Variants in FANCL observed in about 807,000 individuals in gnomAD.
FANCL encodes E3 ubiquitin-protein ligase FANCL.
FANCL carries 69 observed loss-of-function variants against 59.4 expected under a neutral mutation model. The ratio of observed to expected loss-of-function variants is 1.16; its 90% CI spans 0.96 to 1.42. The LOEUF (loss-of-function observed/expected upper bound fraction) is 1.42. FANCL is among the 40% of genes most tolerant of loss of function. FANCL has a pLI of 0.00. For missense variants in FANCL, 519 were observed against 447.2 expected, an observed-to-expected ratio of 1.16 and a Z score of -1.45; for synonymous variants, 180 against 147.1, an observed-to-expected ratio of 1.22 and a Z score of -1.62.
chr2:58,180,902 G>C (rs1049012512), intron 7 of FANCL, among the ~76,000 whole-genome samples: 1 of 150,086 alleles, frequency 6.7e-6, no homozygotes, highest in African/African-American at 2.5e-5. Context: ...ATATTAATGA[G>C]ATAACATTAA....
chr2:58,213,122 TTA>T (rs1188985597), intron 5 of FANCL, among the ~76,000 whole-genome samples: 1 of 152,198 alleles, frequency 6.6e-6, no homozygotes, highest in Non-Finnish European at 1.5e-5. Context: ...AGATTATTAT[TTA>T]GAGTGTAAGG....
chr2:58,173,213 G>C (rs898632616), intron 7 of FANCL, among the ~76,000 whole-genome samples: 3 of 152,304 alleles, frequency 2.0e-5, no homozygotes, highest in African/African-American at 7.2e-5. Flanking sequence ...AAAACACTCT[G>C]CAGGATATTA....
intron 7 of FANCL, among the ~76,000 whole-genome samples, chr2:58,196,434 C>T (rs562572558): frequency 6.6e-6 from 1 of 152,098 alleles, no homozygotes; most frequent in East Asian, 1.9e-4. Flanking sequence ...GTATATTCCA[C>T]AAATTAAGAA....
intron 1 of FANCL, among the ~76,000 whole-genome samples, chr2:58,239,224 A>C (rs1437447279): frequency 6.6e-6 from 1 of 152,184 alleles, no homozygotes; most frequent in African/African-American, 2.4e-5. Context: ...CTTATTAATT[A>C]CAAAAGGAGA....
intron 8 of FANCL, among the ~76,000 whole-genome samples, chr2:58,164,660 T>C (rs1480386668): frequency 1.3e-5 from 2 of 152,060 alleles, no homozygotes; most frequent in Non-Finnish European, 2.9e-5. Flanking sequence ...ATGAGAAATA[T>C]AGTAAGTATA....
chr2:58,213,310 C>T lies in FANCL; in HGVS notation c.374+8632G>A, dbSNP rs142783303. Among the ~76,000 whole-genome samples the T allele has an allele frequency of 1.5e-3, 236 of 152,304 alleles. 1 individual carries two copies. Among genetic ancestry groups the T allele is most frequent in the African/African-American group, 5.5e-3 (227 of 41,560 alleles). On this transcript the variant is annotated intron_variant, in intron 5 of 13. Transcript: ENST00000233741. The stretch of plus-strand genomic sequence containing the variant: ...TAGCAATTCTAGTATGTGGACAGCA[C>T]AGTTCAGGTCTCAGCTTTAGATCAG...
intron 5 of FANCL, among the ~76,000 whole-genome samples, chr2:58,215,046 C>T (rs1454664959): frequency 1.3e-5 from 2 of 152,218 alleles, no homozygotes; most frequent in Non-Finnish European, 2.9e-5. Flanking sequence ...AACATTTCCT[C>T]TGTCCTTGAC....
intron 6 of FANCL, among the ~76,000 whole-genome samples, chr2:58,201,296 A>C (rs964701075): frequency 1.1e-4 from 16 of 151,980 alleles, no homozygotes; most frequent in African/African-American, 3.4e-4. Flanking sequence ...TTAACTGAAA[A>C]ATAAGTATAG....
At position 58,159,664 on chromosome 2, in the gene FANCL, T is replaced by A; in HGVS notation, c.*101A>T. On this transcript the variant is annotated 3_prime_UTR_variant, in exon 14 of 14. Coordinates refer to ENST00000233741, the MANE Select transcript of FANCL (RefSeq NM_018062.4). Reference sequence around the variant, plus strand: ...CATCATCATACCTGTCCTTTTGATGTTAGTATTTCTTGCTTTATTTTTTCT... The same window carrying A: ...CATCATCATACCTGTCCTTTTGATGATAGTATTTCTTGCTTTATTTTTTCT... 2 of 1,613,070 alleles carry A rather than the reference T, an allele frequency of 1.2e-6. No homozygotes were observed. The highest frequency in any genetic ancestry group is 4.5e-5 in the East Asian group (2 of 44,848).
chr2:58,238,721 T>C (rs1479903968), intron 1 of FANCL, among the ~76,000 whole-genome samples: 1 of 152,144 alleles, frequency 6.6e-6, no homozygotes, highest in East Asian at 1.9e-4. Flanking sequence ...CAAGAAAAAT[T>C]AGAAATCAGC....
chr2:58,164,380 G>A (rs924771296), intron 8 of FANCL, among the ~76,000 whole-genome samples: 9 of 151,932 alleles, frequency 5.9e-5, no homozygotes, highest in Non-Finnish European at 1.0e-4. Context: ...AAAATGACTA[G>A]CCATTCAATG....
intron 7 of FANCL, among the ~76,000 whole-genome samples, chr2:58,172,277 G>C (rs1439917742): frequency 6.6e-6 from 1 of 152,234 alleles, no homozygotes; most frequent in Non-Finnish European, 1.5e-5. Context: ...CTGGAGATCT[G>C]AGAACAGGCA....
intron 7 of FANCL, among the ~76,000 whole-genome samples, chr2:58,172,981 G>A (rs967479075): frequency 3.3e-5 from 5 of 152,180 alleles, no homozygotes; most frequent in Admixed American, 2.6e-4. Flanking sequence ...TGAGAACTAC[G>A]TGAAGAATAC....
At chr2:58,222,496 C>A (rs747746019) in intron 4 of FANCL, among the ~76,000 whole-genome samples, 4 of 151,978 alleles carry the variant, frequency 2.6e-5, no homozygotes, top group Non-Finnish European at 5.9e-5. Context: ...AACAAACAAA[C>A]TCATTATCAG....
chr2:58,175,338 G>C lies in FANCL; in HGVS notation c.541-9464C>G, dbSNP rs1196801440. ...CGGGCAGAGACACAACCAAAAAAGAGAATTTTACACCAATATCCTTGATGA... is the reference window on the plus strand; with the variant it reads ...CGGGCAGAGACACAACCAAAAAAGACAATTTTACACCAATATCCTTGATGA... On this transcript the variant is annotated intron_variant, in intron 7 of 13. Transcript: ENST00000233741. Among the ~76,000 whole-genome samples, 3 of 148,460 alleles carry C rather than the reference G, an allele frequency of 2.0e-5. No individual in the cohort carries two copies. The South Asian group carries it at 6.3e-4, about 31-fold the overall frequency.
At chr2:58,163,560 C>T in intron 8 of FANCL, 43 bp from the exon 9 acceptor site, 1 of 1,188,100 alleles carries the variant, frequency 8.4e-7, no homozygotes, top group Non-Finnish European at 1.3e-6. Context: ...TAGAACAGCT[C>T]ATCAAACAAC....
At chr2:58,183,575 T>C (rs375332065) in intron 7 of FANCL, among the ~76,000 whole-genome samples, 16 of 151,964 alleles carry the variant, frequency 1.1e-4, no homozygotes, top group African/African-American at 3.6e-4. Flanking sequence ...GCTTCATTGA[T>C]TTTATTCTAA....
rs1237212649 is a variant in FANCL, at chr2:58,233,152, T to C, written c.97-1040A>G. Among the ~76,000 whole-genome samples, 10 of 152,194 alleles carry C rather than the reference T, an allele frequency of 6.6e-5. No homozygotes were observed. The East Asian group carries it at 1.7e-3, about 26-fold the overall frequency. On this transcript the variant is annotated intron_variant, in intron 1 of 13. Coordinates refer to ENST00000233741, the MANE Select transcript of FANCL (RefSeq NM_018062.4). ...ACTGTTTCATTAAAGCACTAAAAGG[T>C]ATTATGTAGTAACTTTAACCTAACA...
Position 58,229,985 on chromosome 2 carries a change from G to T in FANCL, c.156-111C>A, listed in dbSNP as rs1382676659. ...ACAAAAGAATGACAAACATAATTTGGACAAGTTAATAAAATTTTTACCACT... is the reference window on the plus strand; with the variant it reads ...ACAAAAGAATGACAAACATAATTTGTACAAGTTAATAAAATTTTTACCACT... On this transcript the variant is annotated intron_variant, in intron 2 of 13. Transcript: ENST00000233741. The T allele has an allele frequency of 4.4e-5, 35 of 786,532 alleles. No homozygotes were observed. In the East Asian group the frequency reaches 9.0e-4, roughly 20 times the overall value. The allele number at this position is 786,532 out of a possible 1,614,324, so 48.7% of individuals were successfully genotyped here.
Sources: gnomAD v4.1 joint callset for allele counts (sites outside exome capture counted in the v4.1 genomes callset) on GRCh38, gnomAD v4.1.1 for gene constraint, MANE v1.5 for transcripts, NCBI Gene and HGNC (gene_info 2026-07-23, HGNC 2026-07-21) for gene names.